The following SPATA13 variants were observed in gnomAD, a reference collection of about 807,000 sequenced individuals.
SPATA13 encodes the protein spermatogenesis associated 13.
SPATA13 carries 50 observed loss-of-function variants against 104.0 expected under a neutral mutation model. The observed-to-expected ratio is 0.48, with a 90% CI of 0.38 to 0.61. The LOEUF (loss-of-function observed/expected upper bound fraction) is 0.61. SPATA13 is among the 20% of genes least tolerant of loss of function. The pLI, the probability that SPATA13 is intolerant of heterozygous loss-of-function variation, is 0.00. For missense variants in SPATA13, 1,524 were observed against 1,690.6 expected, an observed-to-expected ratio of 0.90 and a Z score of 1.73; for synonymous variants, 606 against 667.5, an observed-to-expected ratio of 0.91 and a Z score of 1.42.
rs759544607 is a variant in SPATA13 at position 24,294,822 on chromosome 13, G to A, written c.3164G>A (p.Ser1055Asn). ...LINERKRKLE[S>N]IDKIARWQVS... ...AACGAGCGCAAGCGCAAGCTGGAGA[G>A]CATCGACAAGATAGCTCGCTGGCAG... Residue 1055 changes from serine to asparagine, a missense_variant, in exon 10 of 13, where the codon AGC becomes AAC. Transcript: ENST00000382108. The A allele has an allele frequency of 1.9e-6, 3 of 1,611,618 alleles. No individual in the cohort carries two copies. Among genetic ancestry groups the A allele is most frequent in the Admixed American group, 3.3e-5 (2 of 60,006 alleles).
chr13:24,275,912 C>T (rs925146366), intron 4 of SPATA13, among the ~76,000 whole-genome samples: 2 of 152,292 alleles, frequency 1.3e-5, no homozygotes, highest in East Asian at 1.9e-4. Context: ...CCAGCCTGGG[C>T]GACAGAGCAA....
chr13:24,222,853 G>A lies in SPATA13; in HGVS notation c.-77G>A, dbSNP rs779327723. ...ACCCAGGAGCCCGATGTGCAAGGCA[G>A]GTGTGAGTGCCAGGACGGCATTCCT... On this transcript the variant is annotated 5_prime_UTR_variant, in exon 2 of 13. Coordinates refer to ENST00000382108, the MANE Select transcript of SPATA13 (RefSeq NM_001166271.3). 6.5e-7 allele frequency: 1 copy of A among 1,537,752 alleles called. No individual in the cohort carries two copies. Among genetic ancestry groups the A allele is most frequent in the Admixed American group, 2.0e-5 (1 of 50,200 alleles).
At chr13:24,181,772 T>TTTG (rs1555266911) in intron 1 of SPATA13, among the ~76,000 whole-genome samples, 47 of 151,798 alleles carry the variant, frequency 3.1e-4, no homozygotes, top group Admixed American at 1.2e-3. Flanking sequence ...TTTTTTTTTT[T>TTTG]TTGTTAAAGT....
chr13:24,081,280 T>C (rs1367143527), intron 3 of SPATA13, among the ~76,000 whole-genome samples: 2 of 152,226 alleles, frequency 1.3e-5, no homozygotes, highest in Non-Finnish European at 2.9e-5. Flanking sequence ...GAGTTAATCA[T>C]ACAAAGTTCA....
intron 3 of SPATA13, among the ~76,000 whole-genome samples, chr13:24,135,422 G>A (rs1403998223): frequency 2.0e-5 from 3 of 152,090 alleles, no homozygotes; most frequent in East Asian, 1.9e-4. Context: ...TTAGGTCCAG[G>A]TGCAGTGGCT....
At chr13:24,073,416 G>T (rs78014444) in intron 3 of SPATA13, among the ~76,000 whole-genome samples, 2 of 152,216 alleles carry the variant, frequency 1.3e-5, no homozygotes, top group Non-Finnish European at 2.9e-5. Context: ...ATAAATATCT[G>T]TCTATACCTA....
intron 3 of SPATA13, among the ~76,000 whole-genome samples, chr13:24,029,678 A>G (rs1354132356): frequency 2.6e-5 from 4 of 152,024 alleles, no homozygotes; most frequent in Non-Finnish European, 5.9e-5. Flanking sequence ...AAATACACAC[A>G]CTTGTGTCAT....
At chr13:24,092,138 A>T (rs1272343038) in intron 3 of SPATA13, among the ~76,000 whole-genome samples, 1 of 152,184 alleles carries the variant, frequency 6.6e-6, no homozygotes, top group African/African-American at 2.4e-5. Context: ...CATTGCTTTT[A>T]TGGAAGAACA....
chr13:24,029,778 C>T (rs1342209271), intron 3 of SPATA13, among the ~76,000 whole-genome samples: 1 of 151,918 alleles, frequency 6.6e-6, no homozygotes, highest in Non-Finnish European at 1.5e-5. Flanking sequence ...CTCCTCCCAC[C>T]CTCCACCCTC....
chr13:24,280,240 C>G (rs75892266), intron 4 of SPATA13, among the ~76,000 whole-genome samples: 2,205 of 152,334 alleles, frequency 0.014, 63 homozygotes, highest in South Asian at 0.13. Context: ...GTCCGTGTCT[C>G]TGTCCAGAGG....
At chr13:24,060,361 T>C (rs144159055) in intron 3 of SPATA13, among the ~76,000 whole-genome samples, 23 of 152,362 alleles carry the variant, frequency 1.5e-4, no homozygotes, top group Admixed American at 2.0e-4. Flanking sequence ...TAAATGGTAC[T>C]GGGATAACTA....
intron 3 of SPATA13, among the ~76,000 whole-genome samples, chr13:24,150,490 TAGTC>T (rs1188969533): frequency 1.3e-5 from 2 of 152,294 alleles, no homozygotes; most frequent in South Asian, 2.1e-4. Flanking sequence ...CATCCTGAAT[TAGTC>T]AGTGTTCTCC....
At chr13:24,022,411 A>T (rs1017901013) in intron 3 of SPATA13, among the ~76,000 whole-genome samples, 6 of 152,180 alleles carry the variant, frequency 3.9e-5, no homozygotes. Context: ...AATAATTTAA[A>T]GCCATTTTCT....
chr13:24,117,144 A>T (rs1880872432), intron 3 of SPATA13, among the ~76,000 whole-genome samples: 1 of 152,250 alleles, frequency 6.6e-6, no homozygotes, highest in South Asian at 2.1e-4. Context: ...TTTTACATTT[A>T]TAAAAACAAA....
intron 3 of SPATA13, among the ~76,000 whole-genome samples, chr13:24,091,779 A>G (rs1458698087): frequency 3.3e-5 from 5 of 152,170 alleles, no homozygotes; most frequent in Admixed American, 3.3e-4. Flanking sequence ...CCCTTGGGTG[A>G]CAGAGGGAGA....
intron 1 of SPATA13, among the ~76,000 whole-genome samples, chr13:24,177,992 G>A (rs1868537436): frequency 6.6e-6 from 1 of 152,072 alleles, no homozygotes; most frequent in Non-Finnish European, 1.5e-5. Context: ...AAGTAGCTGG[G>A]ACTATGGGTG....
At chr13:24,292,731 C>T (rs546682547) in intron 9 of SPATA13, among the ~76,000 whole-genome samples, 1 of 152,178 alleles carries the variant, frequency 6.6e-6, no homozygotes, top group East Asian at 1.9e-4. Flanking sequence ...GGCGCCATGG[C>T]TCACGTCTGT....
chr13:24,106,477 G>A (rs1880457702), intron 3 of SPATA13, among the ~76,000 whole-genome samples: 1 of 152,216 alleles, frequency 6.6e-6, no homozygotes, highest in Admixed American at 6.5e-5. Context: ...AATCCTGGCA[G>A]GTGTTTTGGT....
intron 2 of SPATA13, among the ~76,000 whole-genome samples, chr13:23,995,558 C>T (rs1875640287): frequency 6.6e-6 from 1 of 152,186 alleles, no homozygotes; most frequent in Non-Finnish European, 1.5e-5. Flanking sequence ...TCCATATCGA[C>T]TGAGGTTTTC....
Sources: gnomAD v4.1 joint callset for allele counts (sites outside exome capture counted in the v4.1 genomes callset) on GRCh38, gnomAD v4.1.1 for gene constraint, MANE v1.5 for transcripts, NCBI Gene and HGNC (gene_info 2026-07-23, HGNC 2026-07-21) for gene names.